NOS1AP: variants seen among roughly 807,000 people sequenced by gnomAD.
NOS1AP encodes nitric oxide synthase 1 adaptor protein, also known as carboxyl-terminal PDZ ligand of neuronal nitric oxide synthase protein.
In NOS1AP, 21 loss-of-function variants were observed where a neutral mutation model predicts 56.2. That is an observed-to-expected ratio of 0.37 (90% CI 0.26 to 0.54). The LOEUF is 0.54. NOS1AP is among the 20% of genes least tolerant of loss of function. The pLI, the probability that NOS1AP is intolerant of heterozygous loss-of-function variation, is 0.84. For synonymous variants in NOS1AP, 270 were observed against 274.6 expected (o/e 0.98, Z 0.17); for missense variants, 522 against 657.8 (o/e 0.79, Z 2.26).
At chr1:162,228,704 CG>C (rs1242767936) in intron 2 of NOS1AP, among the ~76,000 whole-genome samples, 1 of 152,196 alleles carries the variant, frequency 6.6e-6, no homozygotes, top group Non-Finnish European at 1.5e-5. Context: ...TTCTCTACCC[CG>C]GCTGCCTGCC....
At chr1:162,150,596 C>G (rs779912387) in intron 1 of NOS1AP, among the ~76,000 whole-genome samples, 1 of 152,100 alleles carries the variant, frequency 6.6e-6, no homozygotes, top group Non-Finnish European at 1.5e-5. Flanking sequence ...TACGAGGGTT[C>G]TTTTTTCTCC....
intron 2 of NOS1AP, among the ~76,000 whole-genome samples, chr1:162,158,178 GA>G (rs1650048827): frequency 6.6e-6 from 1 of 152,162 alleles, no homozygotes; most frequent in East Asian, 1.9e-4. Flanking sequence ...CAGCCCTTGG[GA>G]ACTACCTTTC....
chr1:162,136,499 CAT>C (rs546857498), intron 1 of NOS1AP, among the ~76,000 whole-genome samples: 1 of 152,226 alleles, frequency 6.6e-6, no homozygotes, highest in South Asian at 2.1e-4. Flanking sequence ...TATGGAAAAA[CAT>C]AGAACCAGCA....
intron 6 of NOS1AP, among the ~76,000 whole-genome samples, chr1:162,353,810 A>C (rs577222099): frequency 6.6e-6 from 1 of 152,264 alleles, no homozygotes; most frequent in African/African-American, 2.4e-5. Flanking sequence ...CCGACCCTCC[A>C]TCTCTCAGGC....
intron 2 of NOS1AP, among the ~76,000 whole-genome samples, chr1:162,214,594 G>A (rs1202141529): frequency 6.6e-6 from 1 of 151,996 alleles, no homozygotes; most frequent in Non-Finnish European, 1.5e-5. Context: ...CATTCAAATG[G>A]CTGATTAACC....
intron 2 of NOS1AP, among the ~76,000 whole-genome samples, chr1:162,232,532 GAGTGTGTGTGTGTGTGTGTGTCTA>G (rs1653154584): frequency 4.4e-5 from 6 of 135,142 alleles, no homozygotes; most frequent in African/African-American, 1.8e-4. Flanking sequence ...TTTGTGCTTA[GAGTGTGTGTGTGTGTGTGTGTCTA>G]AGTGTGTGTG....
chr1:162,076,087 C>T (rs2102010378), intron 1 of NOS1AP, among the ~76,000 whole-genome samples: 1 of 152,306 alleles, frequency 6.6e-6, no homozygotes, highest in Non-Finnish European at 1.5e-5. Context: ...CTATTGCCTA[C>T]TCATAATGCA....
At chr1:162,077,926 G>C (rs1460014124) in intron 1 of NOS1AP, among the ~76,000 whole-genome samples, 1 of 152,040 alleles carries the variant, frequency 6.6e-6, no homozygotes, top group African/African-American at 2.4e-5. Context: ...TTCTGTCCTG[G>C]CTGCTGTACT....
chr1:162,366,919 C>G lies in NOS1AP; in HGVS notation c.1106-133C>G, dbSNP rs901136368. ...AGGAAGGGTGAAGTGTTAAGAGACC[C>G]AAAGCCCGGAGAGGTGCTGCTAAGC... On this transcript the variant is annotated intron_variant, in intron 9 of 9. Coordinates refer to ENST00000361897, the MANE Select transcript of NOS1AP (RefSeq NM_014697.3). 60 of 1,003,568 alleles carry G rather than the reference C, an allele frequency of 6.0e-5. No individual in the cohort carries two copies. The African/African-American group carries it at 9.2e-4, about 15-fold the overall frequency. The allele number at this position is 1,003,568 out of a possible 1,614,324, so 62.2% of individuals were successfully genotyped here. A position where few individuals can be genotyped will look rare whatever the true frequency, so the allele number is the denominator to read the frequency against.
At chr1:162,254,487 G>A (rs1234378285) in intron 2 of NOS1AP, among the ~76,000 whole-genome samples, 1 of 152,184 alleles carries the variant, frequency 6.6e-6, no homozygotes, top group Non-Finnish European at 1.5e-5. Context: ...GATGGAGCAC[G>A]AGAGACATGG....
chr1:162,259,593 A>T (rs1654143092), intron 2 of NOS1AP, among the ~76,000 whole-genome samples: 1 of 152,166 alleles, frequency 6.6e-6, no homozygotes, highest in Non-Finnish European at 1.5e-5. Flanking sequence ...TGCATATGAG[A>T]TTATTTTTCT....
intron 1 of NOS1AP, among the ~76,000 whole-genome samples, chr1:162,097,864 T>G (rs1330456458): frequency 1.3e-5 from 2 of 152,092 alleles, no homozygotes; most frequent in African/African-American, 4.8e-5. Context: ...ATCAGTTTAG[T>G]AAGTTCTTTA....
In NOS1AP at chr1:162,294,187, G is replaced by GGAAGGAAA. The variant is rs1655366841; in HGVS notation, c.271-6439_271-6438insAGAAGGAA. ...AGGAAGGCAGGTAGGAAGGAAGGAA[G>GGAAGGAAA]GAAGGAAGTAAGGAAGGAAGGAAGG... On this transcript the variant is annotated intron_variant, in intron 3 of 9. Coordinates refer to ENST00000361897, the MANE Select transcript of NOS1AP (RefSeq NM_014697.3). 8.2e-5 allele frequency among the ~76,000 whole-genome samples: 3 copies of GGAAGGAAA among 36,734 alleles called. No individual in the cohort carries two copies. The South Asian group carries it at 3.9e-3, about 48-fold the overall frequency. The allele number at this position is 36,734 out of a possible 152,430, so 24.1% of individuals were successfully genotyped here. A position where few individuals can be genotyped will look rare whatever the true frequency, so the allele number is the denominator to read the frequency against.
chr1:162,351,050 T>C (rs1310540169), intron 6 of NOS1AP, among the ~76,000 whole-genome samples: 2 of 152,248 alleles, frequency 1.3e-5, no homozygotes, highest in South Asian at 2.1e-4. Flanking sequence ...TTTGGCTATA[T>C]AAGGTACACA....
At chr1:162,316,958 G>C (rs994757147) in intron 4 of NOS1AP, 5 of 166,280 alleles carry the variant, frequency 3.0e-5, no homozygotes, top group African/African-American at 1.2e-4. Context: ...TCAGAGGCCT[G>C]ACATTGACCT....
chr1:162,118,423 A>G (rs1208357244), intron 1 of NOS1AP, among the ~76,000 whole-genome samples: 1 of 152,138 alleles, frequency 6.6e-6, no homozygotes, highest in Non-Finnish European at 1.5e-5. Context: ...CGTTGCTGCA[A>G]ACGACATGAT....
intron 2 of NOS1AP, among the ~76,000 whole-genome samples, chr1:162,210,049 T>C (rs1463781082): frequency 2.6e-5 from 4 of 152,176 alleles, no homozygotes; most frequent in African/African-American, 9.7e-5. Context: ...TTTTGTTAAT[T>C]TTTCCTTATT....
At chr1:162,200,548 A>G (rs1651960992) in intron 2 of NOS1AP, among the ~76,000 whole-genome samples, 2 of 152,172 alleles carry the variant, frequency 1.3e-5, no homozygotes, top group South Asian at 4.1e-4. Flanking sequence ...TTATCTCCAG[A>G]GAGCGTTGAG....
At chr1:162,205,893 C>A (rs1652146669) in intron 2 of NOS1AP, among the ~76,000 whole-genome samples, 2 of 152,100 alleles carry the variant, frequency 1.3e-5, no homozygotes. Context: ...AGTTTGGCAG[C>A]CTCTGAAGTT....
Sources: allele counts gnomAD v4.1 joint callset (sites outside exome capture counted in the v4.1 genomes callset), GRCh38; gene constraint gnomAD v4.1.1; transcripts MANE v1.5; gene names NCBI Gene and HGNC (gene_info 2026-07-23, HGNC 2026-07-21).